TRIM38: variants seen among roughly 807,000 people sequenced by gnomAD.
The protein encoded by TRIM38 is tripartite motif containing 38.
Under a neutral mutation model 35.8 loss-of-function variants are expected in TRIM38, and 35 were observed. The ratio of observed to expected loss-of-function variants is 0.98; its 90% CI spans 0.75 to 1.30. The LOEUF (loss-of-function observed/expected upper bound fraction) is 1.30. Among genes scored for constraint, TRIM38 ranks in the 50% most tolerant of loss-of-function variants. The pLI, the probability that TRIM38 is intolerant of heterozygous loss-of-function variation, is 0.00. For missense variants in TRIM38, 545 were observed against 556.9 expected, an observed-to-expected ratio of 0.98 and a Z score of 0.21; for synonymous variants, 198 against 204.7, an observed-to-expected ratio of 0.97 and a Z score of 0.28.
At chr6:25,969,178 C>G (rs1013302100) in intron 3 of TRIM38, 147 bp from the exon 4 acceptor site, 3 of 604,978 alleles carry the variant, frequency 5.0e-6, no homozygotes, top group African/African-American at 1.9e-5. Context: ...GCACATATAG[C>G]CTTTAGCATG....
intron 2 of TRIM38, among the ~76,000 whole-genome samples, chr6:25,964,139 G>GT (rs1178621169): frequency 6.6e-6 from 1 of 152,046 alleles, no homozygotes; most frequent in African/African-American, 2.4e-5. Flanking sequence ...TTATTAACAA[G>GT]TACATGGGCT....
rs1274392103 is a variant in TRIM38, at chr6:25,989,702, G to A, written c.*6015G>A. The A allele has an allele frequency of 6.6e-6, 1 of 150,996 alleles. No individual in the cohort carries two copies. Among genetic ancestry groups the A allele is most frequent in the Non-Finnish European group, 1.5e-5 (1 of 67,770 alleles). 9.4% of individuals were successfully genotyped at this position (150,996 alleles called of 1,614,324 possible). On this transcript the variant is annotated 3_prime_UTR_variant, in exon 8 of 8. Coordinates refer to ENST00000357085, the MANE Select transcript of TRIM38 (RefSeq NM_006355.5). ...TTGGTAACTTAATCTTTCACTTTTT[G>A]AAAACAAAAAATAGTTTTTTTCTCA...
intron 2 of TRIM38, among the ~76,000 whole-genome samples, chr6:25,964,318 A>G (rs1248438541): frequency 6.6e-6 from 1 of 152,224 alleles, no homozygotes; most frequent in Non-Finnish European, 1.5e-5. Flanking sequence ...TTATACATGT[A>G]TACATATTTA....
chr6:25,978,345 A>C (rs947514822), intron 7 of TRIM38, among the ~76,000 whole-genome samples: 7 of 151,716 alleles, frequency 4.6e-5, no homozygotes, highest in Non-Finnish European at 1.0e-4. Context: ...TGCTATAGAT[A>C]TATATAGTAT....
At chr6:25,963,849 G>A (rs931106724) in intron 2 of TRIM38, among the ~76,000 whole-genome samples, 6 of 152,110 alleles carry the variant, frequency 3.9e-5, no homozygotes, top group Non-Finnish European at 7.4e-5. Context: ...CCTCTCTGCA[G>A]AAGAGGTATT....
At chr6:25,975,449 G>A (rs1430855143) in intron 7 of TRIM38, 3 of 285,596 alleles carry the variant, frequency 1.1e-5, no homozygotes, top group African/African-American at 6.9e-5. Flanking sequence ...TGATCTGCCT[G>A]TCTCTGCCTC....
Position 25,971,883 on chromosome 6 carries a change from T to A in TRIM38, c.522T>A (p.Ile174=). The A allele has an allele frequency of 6.2e-7, 1 of 1,614,130 alleles. No homozygotes were observed. The highest frequency in any genetic ancestry group is 1.3e-5 in the African/African-American group (1 of 75,066). ...CTTGACTCCAGGAGAAGGTACAGAT[T>A]CAGAGACAAAAAATCCGGTCTGACT... The part of the protein sequence containing the change: ...RITKWKEKVQ[I]QRQKIRSDFK... Residue 174 remains isoleucine (I), a synonymous_variant, in exon 5 of 8, where the codon ATT becomes ATA. Transcript: ENST00000357085.
At position 25,972,100 on chromosome 6, in the gene TRIM38, G is replaced by C. The variant is rs1288444552; in HGVS notation, c.738+1G>C. 6.2e-7 allele frequency: 1 copy of C among 1,613,778 alleles called. No individual in the cohort carries two copies. Among genetic ancestry groups the C allele is most frequent in the Non-Finnish European group, 8.5e-7 (1 of 1,179,794 alleles). On this transcript the variant is annotated splice_donor_variant, in intron 5 of 7. Coordinates refer to ENST00000357085, the MANE Select transcript of TRIM38 (RefSeq NM_006355.5). LOFTEE classifies it high-confidence loss of function. ...GGGCTCAGCCCAGAAATTGCTGCAG[G>C]TGAGGCTGTGTACTTGGAGTAGGGA...
chr6:25,972,066 A>C lies in TRIM38; in HGVS notation c.705A>C (p.Glu235Asp), dbSNP rs1760253293. 1 of 1,614,102 alleles carries C rather than the reference A, an allele frequency of 6.2e-7. No homozygotes were observed. The highest frequency in any genetic ancestry group is 8.5e-7 in the Non-Finnish European group (1 of 1,180,032). ...ELKSHILELE[E>D]KCQGSAQKLL... Reference sequence around the variant, plus strand: ...AGAGCCACATCCTGGAACTGGAGGAAAAATGTCAGGGCTCAGCCCAGAAAT... The same window carrying C: ...AGAGCCACATCCTGGAACTGGAGGACAAATGTCAGGGCTCAGCCCAGAAAT... Residue 235 changes from glutamate to aspartate, a missense_variant, in exon 5 of 8, where the codon GAA (glutamate) becomes GAC (aspartate). Transcript: ENST00000357085.
intron 7 of TRIM38, among the ~76,000 whole-genome samples, chr6:25,977,948 A>G (rs144978116): frequency 6.6e-6 from 1 of 152,218 alleles, no homozygotes; most frequent in East Asian, 1.9e-4. Flanking sequence ...CTCAGTCAAC[A>G]ACAACATTGC....
chr6:25,974,270 T>C (rs1561899827), intron 7 of TRIM38, among the ~76,000 whole-genome samples: 1 of 152,132 alleles, frequency 6.6e-6, no homozygotes, highest in African/African-American at 2.4e-5. Context: ...TTGGCCCTGG[T>C]TATTTCTGGC....
chr6:25,970,368 G>A lies in TRIM38; in HGVS notation c.507+948G>A, dbSNP rs113510715. Among the ~76,000 whole-genome samples the A allele has an allele frequency of 2.6e-5, 4 of 152,044 alleles. 1 individual carries two copies. The highest frequency in any genetic ancestry group is 4.2e-4 in the South Asian group (2 of 4,812). On this transcript the variant is annotated intron_variant, in intron 4 of 7. Coordinates refer to ENST00000357085, the MANE Select transcript of TRIM38 (RefSeq NM_006355.5). ...TTTAGGTTTGTGCAAAAGTAATTGC[G>A]GTCTTTGCCATTAAAGTAAAGGCAA...
chr6:25,988,978 C>T lies in TRIM38; in HGVS notation c.*5291C>T, dbSNP rs1226237002. 5 of 152,160 alleles carry T rather than the reference C, an allele frequency of 3.3e-5. No homozygotes were observed. The highest frequency in any genetic ancestry group is 7.4e-5 in the Non-Finnish European group (5 of 68,018). The allele number at this position is 152,160 out of a possible 1,614,324, so 9.4% of individuals were successfully genotyped here. A position where few individuals can be genotyped will look rare whatever the true frequency, so the allele number is the denominator to read the frequency against. On this transcript the variant is annotated 3_prime_UTR_variant, in exon 8 of 8. Transcript: ENST00000357085. ...GTATGGTTACTTTTGTAAGAAACCA[C>T]CAAACTGTCTTCCAAAGTGATTGCA...
In TRIM38 at chr6:25,985,887, G is replaced by C. The variant is rs1760694493; in HGVS notation, c.*2200G>C. Reference sequence around the variant, plus strand: ...AGCACTTAGATTGCTGAATAAGAAAGAATGATAATAAAATAAACAATTAAA... The same window carrying C: ...AGCACTTAGATTGCTGAATAAGAAACAATGATAATAAAATAAACAATTAAA... On this transcript the variant is annotated 3_prime_UTR_variant, in exon 8 of 8. Transcript: ENST00000357085. 6.6e-6 allele frequency: 1 copy of C among 151,886 alleles called. No homozygotes were observed. The highest frequency in any genetic ancestry group is 1.5e-5 in the Non-Finnish European group (1 of 67,990). The allele number at this position is 151,886 out of a possible 1,614,324, so 9.4% of individuals were successfully genotyped here.
intron 3 of TRIM38, 130 bp from the exon 4 acceptor site, chr6:25,969,195 A>T: frequency 1.5e-6 from 1 of 672,566 alleles, no homozygotes; most frequent in Non-Finnish European, 2.5e-6. Context: ...CATGCTCTCT[A>T]GCAAAAAACA....
rs1237865581 is a variant in TRIM38 at position 25,983,328 on chromosome 6, C to T, written c.1039C>T (p.Arg347Cys). The T allele has an allele frequency of 1.1e-5, 18 of 1,613,882 alleles. No individual in the cohort carries two copies. Among genetic ancestry groups the T allele is most frequent in the African/African-American group, 1.3e-5 (1 of 74,858 alleles). Residue 347 changes from arginine (R) to cysteine (C), a missense_variant, in exon 8 of 8, where the codon CGT becomes TGT. Physicochemically the swap from Arg to Cys is radical, Grantham distance 180. Transcript: ENST00000357085. ...TTGTGAAGGCTTCACCTCAGGAAGA[C>T]GTTACTTTGAAGTGGATGTTGGCGA... Reference protein sequence around the residue: ...LGCEGFTSGRRYFEVDVGEGT... With the variant: ...LGCEGFTSGRCYFEVDVGEGT...
rs1161465795 is a variant in TRIM38 at position 25,975,071 on chromosome 6, C to T, written c.874+1786C>T. 2.1e-5 allele frequency: 20 copies of T among 942,000 alleles called. No homozygotes were observed. In the African/African-American group the frequency reaches 2.3e-4, roughly 11 times the overall value. 58.4% of individuals were successfully genotyped at this position (942,000 alleles called of 1,614,324 possible). A position where few individuals can be genotyped will look rare whatever the true frequency, so the allele number is the denominator to read the frequency against. On this transcript the variant is annotated intron_variant, in intron 7 of 7. Coordinates refer to ENST00000357085, the MANE Select transcript of TRIM38 (RefSeq NM_006355.5). The stretch of plus-strand genomic sequence containing the variant: ...TTTTTGAGACAGAGTCTCGCTCTGT[C>T]GCCCAGGCTGGAGTGCAGTGGTGCG...
rs1195968478 is a variant in TRIM38, at chr6:25,966,333, A to T, written c.-188-2A>T. 1 of 568,674 alleles carries T rather than the reference A, an allele frequency of 1.8e-6. No homozygotes were observed. Among genetic ancestry groups the T allele is most frequent in the Non-Finnish European group, 2.8e-6 (1 of 351,216 alleles). 35.2% of individuals were successfully genotyped at this position (568,674 alleles called of 1,614,324 possible). A position where few individuals can be genotyped will look rare whatever the true frequency, so the allele number is the denominator to read the frequency against. ...ACCTCAGCCTCAACTTCTTCCTTTT[A>T]GGTCCTCTTTTCTTCAATACAAAAT... On this transcript the variant is annotated splice_acceptor_variant, in intron 2 of 7. Transcript: ENST00000357085. LOFTEE classifies it low-confidence loss of function (5UTR_SPLICE).
At chr6:25,969,817 C>T (rs546674778) in intron 4 of TRIM38, among the ~76,000 whole-genome samples, 54 of 152,292 alleles carry the variant, frequency 3.5e-4, no homozygotes, top group African/African-American at 1.3e-3. Flanking sequence ...TTTACAGGTA[C>T]AGAAACCAAG....
Sources: allele counts gnomAD v4.1 joint callset (sites outside exome capture counted in the v4.1 genomes callset), GRCh38; gene constraint gnomAD v4.1.1; transcripts MANE v1.5; gene names NCBI Gene and HGNC (gene_info 2026-07-23, HGNC 2026-07-21).